Variants in PRKAG2 observed in about 807,000 individuals in gnomAD.
PRKAG2 encodes protein kinase AMP-activated non-catalytic subunit gamma 2, also known as 5'-AMP-activated protein kinase subunit gamma-2.
A neutral mutation model predicts 69.6 loss-of-function variants in PRKAG2; 26 were observed. The observed-to-expected ratio is 0.37, with a 90% CI of 0.27 to 0.52. The LOEUF is 0.52. PRKAG2 is among the 20% of genes least tolerant of loss of function. The pLI is 0.90. For missense variants in PRKAG2, 557 were observed against 740.0 expected, an observed-to-expected ratio of 0.75 and a Z score of 2.87; for synonymous variants, 293 against 285.0, an observed-to-expected ratio of 1.03 and a Z score of -0.28.
chr7:151,642,963 A>G (rs1188195092), intron 4 of PRKAG2, among the ~76,000 whole-genome samples: 1 of 152,250 alleles, frequency 6.6e-6, no homozygotes, highest in East Asian at 1.9e-4. Flanking sequence ...TTGAACGAAC[A>G]TGTGCTAGCA....
intron 4 of PRKAG2, among the ~76,000 whole-genome samples, chr7:151,642,735 T>C (rs1205868611): frequency 1.3e-5 from 2 of 152,206 alleles, no homozygotes; most frequent in East Asian, 3.8e-4. Context: ...CCAGCTCAAG[T>C]CAGCTGAAAA....
intron 3 of PRKAG2, among the ~76,000 whole-genome samples, chr7:151,695,000 C>T (rs1159602446): frequency 1.3e-5 from 2 of 152,252 alleles, no homozygotes; most frequent in African/African-American, 4.8e-5. Flanking sequence ...GGTCAGCAGG[C>T]CCGGGCAGGG....
intron 4 of PRKAG2, among the ~76,000 whole-genome samples, chr7:151,645,352 C>A (rs572834900): frequency 7.9e-4 from 120 of 152,276 alleles, no homozygotes; most frequent in Non-Finnish European, 1.5e-3. Context: ...CTAAACACTG[C>A]CACTAACCAC....
chr7:151,643,625 T>G (rs778413344), intron 4 of PRKAG2, among the ~76,000 whole-genome samples: 4 of 152,238 alleles, frequency 2.6e-5, no homozygotes, highest in Admixed American at 6.5e-5. Context: ...CCACCACATC[T>G]TCTACATTCT....
At chr7:151,619,797 G>A (rs558464930) in intron 5 of PRKAG2, among the ~76,000 whole-genome samples, 1 of 152,300 alleles carries the variant, frequency 6.6e-6, no homozygotes, top group East Asian at 1.9e-4. Context: ...GAGGTGGGAG[G>A]ATCACCTGAG....
chr7:151,784,383 G>A lies in PRKAG2; in HGVS notation c.186+2087C>T, dbSNP rs79012681. ...GGGAAACAGAGACACATAGGGGAGC[G>A]GGGCCCCAGGAGAGCTTGCAGAGTG... On this transcript the variant is annotated intron_variant, in intron 2 of 15. Coordinates refer to ENST00000287878, the MANE Select transcript of PRKAG2 (RefSeq NM_016203.4). 1.2e-3 allele frequency among the ~76,000 whole-genome samples: 188 copies of A among 152,284 alleles called. 4 individuals carry two copies. The East Asian group carries it at 0.033, about 26-fold the overall frequency.
At position 151,807,676 on chromosome 7, in the gene PRKAG2, C is replaced by T. The variant is rs1160111723; in HGVS notation, c.115-21135G>A. On this transcript the variant is annotated intron_variant, in intron 1 of 15. Coordinates refer to ENST00000287878, the MANE Select transcript of PRKAG2 (RefSeq NM_016203.4). The surrounding 1 kb of genome is among the most constrained non-coding windows in gnomAD (Gnocchi z 4.4). ...GTGCGATGTCCCAAACCTACACAAC[C>T]GTTTCCACTGCCTATTCCCGGGCCC... 8 of 448,950 alleles carry T rather than the reference C, an allele frequency of 1.8e-5. No individual in the cohort carries two copies. The highest frequency in any genetic ancestry group is 6.0e-5 in the African/African-American group (3 of 49,936). The allele number at this position is 448,950 out of a possible 1,614,324, so 27.8% of individuals were successfully genotyped here.
chr7:151,767,441 C>T (rs536550197), intron 3 of PRKAG2, among the ~76,000 whole-genome samples: 1 of 152,354 alleles, frequency 6.6e-6, no homozygotes, highest in Non-Finnish European at 1.5e-5. Flanking sequence ...CAGGCATCTG[C>T]CACCATGTGC....
intron 15 of PRKAG2, chr7:151,558,802 G>C: frequency 2.0e-6 from 2 of 985,320 alleles, no homozygotes; most frequent in Non-Finnish European, 2.4e-6. Context: ...TGATGGGAGG[G>C]GCATTGCAAT....
rs2076750445 is a variant in PRKAG2 at position 151,782,373 on chromosome 7, G to A, written c.187-942C>T. 2.9e-5 allele frequency among the ~76,000 whole-genome samples: 2 copies of A among 69,186 alleles called. 1 individual carries two copies. Among genetic ancestry groups the A allele is most frequent in the South Asian group, 1.3e-3 (2 of 1,516 alleles). 45.4% of individuals were successfully genotyped at this position (69,186 alleles called of 152,430 possible). A position where few individuals can be genotyped will look rare whatever the true frequency, so the allele number is the denominator to read the frequency against. On this transcript the variant is annotated intron_variant, in intron 2 of 15. Coordinates refer to ENST00000287878, the MANE Select transcript of PRKAG2 (RefSeq NM_016203.4). ...GGAGGGAGGGAGGGAGGGAGGGAGGGAAGGAAAGAAGGAAGGAAGGAAGGA... is the reference window on the plus strand; with the variant it reads ...GGAGGGAGGGAGGGAGGGAGGGAGGAAAGGAAAGAAGGAAGGAAGGAAGGA...
At chr7:151,674,661 A>G (rs1416880473) in intron 4 of PRKAG2, among the ~76,000 whole-genome samples, 3 of 151,354 alleles carry the variant, frequency 2.0e-5, no homozygotes, top group Admixed American at 6.6e-5. Context: ...GCTCCATCCC[A>G]CTCCTCTATG....
At chr7:151,639,864 A>C (rs983692680) in intron 4 of PRKAG2, among the ~76,000 whole-genome samples, 1 of 152,106 alleles carries the variant, frequency 6.6e-6, no homozygotes, top group Non-Finnish European at 1.5e-5. Context: ...TCCCCCAATA[A>C]ATCCCCTCTC....
intron 1 of PRKAG2, among the ~76,000 whole-genome samples, chr7:151,813,283 G>C (rs893673582): frequency 1.3e-5 from 2 of 152,092 alleles, no homozygotes; most frequent in Non-Finnish European, 2.9e-5. Context: ...ATCAACGCTG[G>C]ATTCCCTGCT....
chr7:151,589,057 A>G (rs1348102676), intron 6 of PRKAG2, among the ~76,000 whole-genome samples: 1 of 152,034 alleles, frequency 6.6e-6, no homozygotes, highest in East Asian at 1.9e-4. Flanking sequence ...GCTCTATTTC[A>G]GGTTCTGACA....
chr7:151,858,743 G>A (rs577555327), intron 1 of PRKAG2, among the ~76,000 whole-genome samples: 13 of 152,344 alleles, frequency 8.5e-5, no homozygotes, highest in African/African-American at 3.1e-4. Flanking sequence ...GTGCTGAGAT[G>A]GGTTTGGTTT....
intron 3 of PRKAG2, among the ~76,000 whole-genome samples, chr7:151,748,009 C>T (rs1177930644): frequency 6.6e-5 from 10 of 151,336 alleles, no homozygotes; most frequent in Admixed American, 6.6e-4. Context: ...GTAACTGCCA[C>T]CTCCCAGACT....
intron 4 of PRKAG2, among the ~76,000 whole-genome samples, chr7:151,670,735 G>T (rs1228325947): frequency 6.6e-6 from 1 of 152,208 alleles, no homozygotes; most frequent in Non-Finnish European, 1.5e-5. Context: ...AATGCACGGA[G>T]CTGTTAATCA....
rs569422902 is a variant in PRKAG2, at chr7:151,667,775, T to C, written c.684+7645A>G. Among the ~76,000 whole-genome samples the C allele has an allele frequency of 5.3e-5, 8 of 152,358 alleles. 1 individual carries two copies. In the South Asian group the frequency reaches 1.7e-3, roughly 32 times the overall value. ...CCATGTGGAATTGAGACAAGTTAGC[T>C]GTTCCTGCCGAGGTCACTCTGGTCC... On this transcript the variant is annotated intron_variant, in intron 4 of 15. Transcript: ENST00000287878.
intron 3 of PRKAG2, among the ~76,000 whole-genome samples, chr7:151,739,624 C>G (rs973715166): frequency 6.6e-6 from 1 of 152,032 alleles, no homozygotes; most frequent in African/African-American, 2.4e-5. Flanking sequence ...TGCACACCAC[C>G]ACACCCAGGC....
Sources: gnomAD v4.1 joint callset for allele counts (sites outside exome capture counted in the v4.1 genomes callset) on GRCh38, gnomAD v4.1.1 for gene constraint, Gnocchi (gnomAD v3.1) non-coding constraint, MANE v1.5 for transcripts, NCBI Gene and HGNC (gene_info 2026-07-23, HGNC 2026-07-21) for gene names.